Variants in SCARA5 observed in about 807,000 individuals in gnomAD.
The protein encoded by SCARA5 is scavenger receptor class A, member 5 (putative).
A neutral mutation model predicts 46.3 loss-of-function variants in SCARA5; 45 were observed. The observed-to-expected ratio is 0.97, with a 90% CI of 0.76 to 1.24. The LOEUF is 1.24. Among genes scored for constraint, SCARA5 ranks in the 50% most tolerant of loss-of-function variants. The pLI is 0.00. For missense variants in SCARA5, 680 were observed against 689.0 expected (o/e 0.99, Z 0.15); for synonymous variants, 333 against 306.5 (o/e 1.09, Z -0.90).
intron 7 of SCARA5, among the ~76,000 whole-genome samples, chr8:27,881,296 C>T (rs569673055): frequency 3.9e-5 from 6 of 152,280 alleles, no homozygotes; most frequent in African/African-American, 9.6e-5. Context: ...AATCAACCTA[C>T]GTGCCTATCA....
chr8:27,909,875 A>C (rs1585481421), intron 4 of SCARA5, 132 bp from the exon 5 acceptor site: 1 of 567,188 alleles, frequency 1.8e-6, no homozygotes, highest in Non-Finnish European at 3.1e-6. Flanking sequence ...CTCACAGGAA[A>C]CCCCCAGCCC....
chr8:27,983,205 G>A (rs537848483), intron 2 of SCARA5, among the ~76,000 whole-genome samples: 2 of 152,202 alleles, frequency 1.3e-5, no homozygotes, highest in Non-Finnish European at 2.9e-5. Flanking sequence ...CAATGGGTGA[G>A]CTGTCTGTAA....
chr8:27,880,505 A>C (rs532104592), intron 7 of SCARA5, among the ~76,000 whole-genome samples: 2 of 152,320 alleles, frequency 1.3e-5, no homozygotes, highest in African/African-American at 2.4e-5. Flanking sequence ...GGAATCTATA[A>C]GGAACATAAT....
At chr8:27,899,995 G>T (rs957877477) in intron 7 of SCARA5, among the ~76,000 whole-genome samples, 1 of 152,060 alleles carries the variant, frequency 6.6e-6, no homozygotes, top group East Asian at 1.9e-4. Flanking sequence ...CAAATTAGCT[G>T]GGCATGATGG....
intron 2 of SCARA5, among the ~76,000 whole-genome samples, chr8:27,975,112 G>T (rs1420519348): frequency 2.6e-5 from 4 of 152,150 alleles, no homozygotes; most frequent in African/African-American, 9.7e-5. Context: ...AAAGAGAGAG[G>T]CTGAAGGTTG....
intron 3 of SCARA5, among the ~76,000 whole-genome samples, chr8:27,955,159 T>C (rs142457618): frequency 6.6e-6 from 1 of 152,116 alleles, no homozygotes; most frequent in Non-Finnish European, 1.5e-5. Flanking sequence ...GAGATGGGGA[T>C]CCCTGTGACC....
At position 27,872,896 on chromosome 8, in the gene SCARA5, G is replaced by C. The variant is rs371754530; in HGVS notation, c.1352-826C>G. ...GGGGTTCTTGTTCACATCCAGTCAC[G>C]GGAGGACCAATACAATGGGAACACG... On this transcript the variant is annotated intron_variant, in intron 8 of 8. Transcript: ENST00000354914. Among the ~76,000 whole-genome samples the C allele has an allele frequency of 3.3e-5, 5 of 152,292 alleles. No homozygotes were observed. The South Asian group carries it at 1.0e-3, about 32-fold the overall frequency.
At chr8:27,961,727 C>T (rs1325412671) in intron 3 of SCARA5, among the ~76,000 whole-genome samples, 2 of 152,132 alleles carry the variant, frequency 1.3e-5, no homozygotes, top group Non-Finnish European at 2.9e-5. Context: ...CAATATTCTT[C>T]TTAAATGCTG....
intron 2 of SCARA5, among the ~76,000 whole-genome samples, chr8:27,967,640 C>T (rs1359045363): frequency 7.9e-5 from 12 of 152,174 alleles, no homozygotes; most frequent in Admixed American, 5.9e-4. Context: ...AGGCCAGGCA[C>T]GGTGGCTCAC....
At chr8:27,889,855 A>T (rs969018409) in intron 7 of SCARA5, among the ~76,000 whole-genome samples, 1 of 152,238 alleles carries the variant, frequency 6.6e-6, no homozygotes, top group African/African-American at 2.4e-5. Context: ...TTGGCTTTTG[A>T]GGAAAGTGAT....
intron 3 of SCARA5, among the ~76,000 whole-genome samples, chr8:27,955,061 G>A (rs1304068546): frequency 6.6e-6 from 1 of 152,156 alleles, no homozygotes; most frequent in African/African-American, 2.4e-5. Flanking sequence ...ACCCTCAGAG[G>A]TGGCACCTTG....
At chr8:27,900,789 GT>G (rs1160056178) in intron 7 of SCARA5, among the ~76,000 whole-genome samples, 2,784 of 127,120 alleles carry the variant, frequency 0.022, 51 homozygotes, top group African/African-American at 0.063. Context: ...TACGTAGCGG[GT>G]TTTTTTTTTT....
At chr8:27,961,509 T>C (rs982819683) in intron 3 of SCARA5, among the ~76,000 whole-genome samples, 6 of 152,214 alleles carry the variant, frequency 3.9e-5, no homozygotes, top group Non-Finnish European at 5.9e-5. Context: ...AGTTATCCCA[T>C]GTTAGGCATT....
intron 7 of SCARA5, among the ~76,000 whole-genome samples, chr8:27,886,369 C>T (rs1178097237): frequency 2.0e-5 from 3 of 152,228 alleles, no homozygotes; most frequent in African/African-American, 2.4e-5. Flanking sequence ...GTTGTAGCTC[C>T]ACTTCACAGA....
intron 3 of SCARA5, among the ~76,000 whole-genome samples, chr8:27,935,805 C>T (rs141490853): frequency 6.6e-6 from 1 of 152,094 alleles, no homozygotes; most frequent in Non-Finnish European, 1.5e-5. Flanking sequence ...ACAAATACTG[C>T]CTGCTCTGGG....
At chr8:27,897,113 G>T (rs1399499225) in intron 7 of SCARA5, among the ~76,000 whole-genome samples, 2 of 151,894 alleles carry the variant, frequency 1.3e-5, no homozygotes, top group South Asian at 4.2e-4. Context: ...AAAAAGAAGA[G>T]GCTGAAATCC....
chr8:27,973,682 T>A (rs2129956290), intron 2 of SCARA5, among the ~76,000 whole-genome samples: 1 of 152,264 alleles, frequency 6.6e-6, no homozygotes, highest in Non-Finnish European at 1.5e-5. Context: ...ATGCTCACTC[T>A]CTGATTCAGT....
chr8:27,969,036 A>T (rs1808410089), intron 2 of SCARA5, among the ~76,000 whole-genome samples: 1 of 152,160 alleles, frequency 6.6e-6, no homozygotes, highest in South Asian at 2.1e-4. Flanking sequence ...GAGGGTTTCA[A>T]ATAGAGGTTT....
intron 2 of SCARA5, among the ~76,000 whole-genome samples, chr8:27,984,684 G>GCATC (rs1211876648): frequency 7.8e-6 from 1 of 127,968 alleles, no homozygotes; most frequent in African/African-American, 3.0e-5. Context: ...ATCCATCCAT[G>GCATC]CATCCATCCA....
Sources: gnomAD v4.1 joint callset for allele counts (sites outside exome capture counted in the v4.1 genomes callset) on GRCh38, gnomAD v4.1.1 for gene constraint, MANE v1.5 for transcripts, NCBI Gene and HGNC (gene_info 2026-07-23, HGNC 2026-07-21) for gene names.